The following CELF2 variants were observed in gnomAD, a reference collection of about 807,000 sequenced individuals.
The protein encoded by CELF2 is CUG triplet repeat RNA-binding protein 2.
A neutral mutation model predicts 62.6 loss-of-function variants in CELF2; 8 were observed. The ratio of observed to expected loss-of-function variants is 0.13; its 90% CI spans 0.07 to 0.23. The LOEUF is 0.23. CELF2 is among the 10% of genes least tolerant of loss of function. The probability of loss-of-function intolerance (pLI) is 1.00; values close to 1 mark genes in which losing one functional copy is unlikely to be tolerated. For synonymous variants in CELF2, 258 were observed against 250.0 expected (o/e 1.03, Z -0.30); for missense variants, 333 against 671.0 (o/e 0.50, Z 5.56).
At chr10:10,493,243 A>G in the CELF2 span, among the ~76,000 whole-genome samples, 1 of 152,176 alleles carries the variant, frequency 6.6e-6, no homozygotes, top group African/African-American at 2.4e-5. Context: ...TCACAGAAAC[A>G]GAAAAGTAGA....
chr10:10,810,931 A>C (rs2055810217), intron 1 of CELF2, among the ~76,000 whole-genome samples: 1 of 152,238 alleles, frequency 6.6e-6, no homozygotes, highest in Non-Finnish European at 1.5e-5. Context: ...ACTCAGAATA[A>C]GGATCCAGGA....
chr10:11,298,735 T>C (rs2093428936), intron 9 of CELF2, among the ~76,000 whole-genome samples: 1 of 151,226 alleles, frequency 6.6e-6, no homozygotes, highest in South Asian at 2.1e-4. Context: ...ATACTGGTGC[T>C]TTTTTAAAAA....
At chr10:10,843,640 A>G (rs1234684770) in intron 1 of CELF2, among the ~76,000 whole-genome samples, 1 of 151,960 alleles carries the variant, frequency 6.6e-6, no homozygotes, top group Non-Finnish European at 1.5e-5. Flanking sequence ...TGTATATTCT[A>G]CTGTGTTTGG....
At chr10:10,755,348 A>T in the CELF2 span, among the ~76,000 whole-genome samples, 1 of 152,206 alleles carries the variant, frequency 6.6e-6, no homozygotes, top group Non-Finnish European at 1.5e-5. Context: ...ATTGTTCTGG[A>T]CAGCTTTGGT....
At chr10:11,282,346 CG>C (rs1041932933) in intron 8 of CELF2, among the ~76,000 whole-genome samples, 4 of 152,036 alleles carry the variant, frequency 2.6e-5, no homozygotes, top group Non-Finnish European at 4.4e-5. Flanking sequence ...AGGGAAGGGG[CG>C]GGGCTCTCTC....
the CELF2 span, chr10:10,792,426 T>C: frequency 1.0e-5 from 4 of 398,354 alleles, no homozygotes; most frequent in African/African-American, 8.2e-5. Context: ...TCCATCTCTA[T>C]GAGCAGGTGT....
At chr10:11,069,801 A>G (rs965757328) in intron 1 of CELF2, among the ~76,000 whole-genome samples, 2 of 152,224 alleles carry the variant, frequency 1.3e-5, no homozygotes, top group Non-Finnish European at 2.9e-5. Context: ...CAGCAAAACT[A>G]TGAGCCGTCA....
chr10:11,275,009 T>TACTTTGCTCTCACCGTCTCC (rs2085468308), intron 7 of CELF2, 48 bp from the exon 8 acceptor site: 3 of 1,561,072 alleles, frequency 1.9e-6, no homozygotes, highest in East Asian at 2.2e-5. Context: ...ATGAGGGAGT[T>TACTTTGCTCTCACCGTCTCC]ACTTTGCTCT....
At chr10:11,086,541 T>G (rs973385018) in intron 1 of CELF2, among the ~76,000 whole-genome samples, 8 of 134,098 alleles carry the variant, frequency 6.0e-5, no homozygotes, top group African/African-American at 2.2e-4. Context: ...GCGTTTTTCC[T>G]CTTCCACAGT....
At chr10:10,562,781 G>GAGCCTACCTCCCCGCCCTCCAC in the CELF2 span, among the ~76,000 whole-genome samples, 1 of 136,922 alleles carries the variant, frequency 7.3e-6, no homozygotes, top group African/African-American at 3.4e-5. Flanking sequence ...GTCAGATACG[G>GAGCCTACCTCCCCGCCCTCCAC]AGCCTACCTC....
chr10:10,649,112 T>C, the CELF2 span, among the ~76,000 whole-genome samples: 2 of 152,178 alleles, frequency 1.3e-5, no homozygotes, highest in African/African-American at 2.4e-5. Context: ...AAAGAAACCA[T>C]TATCCTCTCA....
chr10:10,872,794 C>T (rs1232686498), intron 1 of CELF2, among the ~76,000 whole-genome samples: 17 of 152,164 alleles, frequency 1.1e-4, no homozygotes, highest in Non-Finnish European at 1.6e-4. Context: ...AAACCTCTTG[C>T]CATAGACTTG....
chr10:10,694,690 G>T, the CELF2 span, among the ~76,000 whole-genome samples: 4 of 151,674 alleles, frequency 2.6e-5, no homozygotes, highest in Admixed American at 1.3e-4. Context: ...ATGAATCTGG[G>T]TGCTCCTGTA....
chr10:10,464,766 T>A, the CELF2 span, among the ~76,000 whole-genome samples: 4 of 152,144 alleles, frequency 2.6e-5, no homozygotes, highest in Admixed American at 2.6e-4. Flanking sequence ...CACTATAGAT[T>A]GCTGTAGTTA....
intron 1 of CELF2, among the ~76,000 whole-genome samples, chr10:10,812,447 C>T (rs1590680001): frequency 1.3e-5 from 2 of 152,252 alleles, no homozygotes; most frequent in South Asian, 2.1e-4. Flanking sequence ...CCACCACTCT[C>T]GACTTTAGTG....
chr10:11,226,600 C>CCACACAAACACACA (rs1298908039), intron 3 of CELF2, among the ~76,000 whole-genome samples: 77 of 25,962 alleles, frequency 3.0e-3, no homozygotes, highest in African/African-American at 4.5e-3. Flanking sequence ...CAGGCAGTGG[C>CCACACAAACACACA]CACACACACA....
intron 9 of CELF2, among the ~76,000 whole-genome samples, chr10:11,301,558 T>A (rs2093756598): frequency 7.4e-6 from 1 of 135,146 alleles, no homozygotes; most frequent in South Asian, 2.7e-4. Context: ...CCGACTCCCG[T>A]TCCAGTGAGG....
At chr10:11,229,021 C>G (rs1041915940) in intron 3 of CELF2, among the ~76,000 whole-genome samples, 1 of 152,132 alleles carries the variant, frequency 6.6e-6, no homozygotes, top group Non-Finnish European at 1.5e-5. Flanking sequence ...ATCACAGACC[C>G]TAGAAGCACG....
chr10:10,690,716 C>T, the CELF2 span, among the ~76,000 whole-genome samples: 38 of 152,208 alleles, frequency 2.5e-4, no homozygotes, highest in East Asian at 7.2e-3. Flanking sequence ...CCCATCTCTA[C>T]TAAAAATACA....
Sources: gnomAD v4.1 joint callset for allele counts (sites outside exome capture counted in the v4.1 genomes callset) on GRCh38, gnomAD v4.1.1 for gene constraint, MANE v1.5 for transcripts, NCBI Gene and HGNC (gene_info 2026-07-23, HGNC 2026-07-21) for gene names.